The following ENOSF1 variants were observed in gnomAD, a reference collection of about 807,000 sequenced individuals.
The protein encoded by ENOSF1 is mitochondrial enolase superfamily member 1.
A neutral mutation model predicts 68.2 loss-of-function variants in ENOSF1; 73 were observed. That is an observed-to-expected ratio of 1.07 (90% CI 0.89 to 1.30). ENOSF1 has a LOEUF of 1.30. ENOSF1 is among the 50% of genes most tolerant of loss of function. The pLI, the probability that ENOSF1 is intolerant of heterozygous loss-of-function variation, is 0.00. For missense variants in ENOSF1, 589 were observed against 554.5 expected, an observed-to-expected ratio of 1.06 and a Z score of -0.62; for synonymous variants, 223 against 210.4, an observed-to-expected ratio of 1.06 and a Z score of -0.52.
At chr18:666,927 T>TGATGGCGATGGA (rs1323046320), downstream of ENOSF1, among the ~76,000 whole-genome samples, 1 of 54,662 alleles carries the variant, frequency 1.8e-5, no homozygotes, top group Admixed American at 1.9e-4. Context: ...ATGGAGATGG[T>TGATGGCGATGGA]GATGGTGATG....
chr18:705,558 G>A (rs2078836762), intron 2 of ENOSF1, among the ~76,000 whole-genome samples: 1 of 152,040 alleles, frequency 6.6e-6, no homozygotes, highest in Non-Finnish European at 1.5e-5. Context: ...TTCTGTTTAA[G>A]AAAATAGAAA....
intron 2 of ENOSF1, among the ~76,000 whole-genome samples, chr18:701,866 G>T (rs2078388623): frequency 6.6e-6 from 1 of 151,278 alleles, no homozygotes; most frequent in Non-Finnish European, 1.5e-5. Flanking sequence ...GTTGCAGTGA[G>T]CCGAGATCAC....
At chr18:689,116 A>G (rs1005789874) in intron 8 of ENOSF1, among the ~76,000 whole-genome samples, 8 of 152,098 alleles carry the variant, frequency 5.3e-5, no homozygotes, top group East Asian at 1.9e-4. Flanking sequence ...TTACTTCTCA[A>G]TCTCGCAGTG....
At chr18:687,215 G>A (rs1257624333) in intron 9 of ENOSF1, 1 of 152,226 alleles carries the variant, frequency 6.6e-6, no homozygotes, top group Non-Finnish European at 1.5e-5. Flanking sequence ...CAGCGGATGA[G>A]GGGAAAAGGC....
intron 2 of ENOSF1, among the ~76,000 whole-genome samples, chr18:698,026 T>G (rs2077930151): frequency 6.6e-6 from 1 of 152,180 alleles, no homozygotes; most frequent in Non-Finnish European, 1.5e-5. Context: ...ATTACTGCGC[T>G]CAAGTGATCC....
chr18:681,333 T>C (rs1327986012), intron 11 of ENOSF1, among the ~76,000 whole-genome samples: 1 of 152,218 alleles, frequency 6.6e-6, no homozygotes, highest in African/African-American at 2.4e-5. Context: ...GCTCTGCAGC[T>C]GCTCCTTCCT....
intron 5 of ENOSF1, chr18:693,322 TTTC>T: frequency 8.3e-6 from 10 of 1,210,932 alleles, no homozygotes; most frequent in Non-Finnish European, 1.1e-5. Flanking sequence ...GATAGTATCT[TTTC>T]TTTTTTCTTT....
At chr18:710,571 G>A (rs1405024660) in intron 1 of ENOSF1, among the ~76,000 whole-genome samples, 1 of 152,056 alleles carries the variant, frequency 6.6e-6, no homozygotes, top group Non-Finnish European at 1.5e-5. Context: ...CTGGAATGCA[G>A]TGGCATGATC....
chr18:705,115 G>A (rs571472751), intron 2 of ENOSF1, among the ~76,000 whole-genome samples: 1 of 152,138 alleles, frequency 6.6e-6, no homozygotes, highest in Non-Finnish European at 1.5e-5. Flanking sequence ...TCTTTTATAT[G>A]CTTAACAATT....
chr18:667,564 G>GCGA, downstream of ENOSF1, among the ~76,000 whole-genome samples: 1 of 92,398 alleles, frequency 1.1e-5, no homozygotes, highest in African/African-American at 7.2e-5. Context: ...GATGGTGATG[G>GCGA]TGATGGAGAT....
chr18:678,873 T>C (rs2075786741), intron 11 of ENOSF1, 136 bp from the exon 12 acceptor site: 2 of 861,482 alleles, frequency 2.3e-6, no homozygotes, highest in Admixed American at 2.1e-5. Flanking sequence ...TGGCAAAGGA[T>C]GTCCAGGGGA....
intron 2 of ENOSF1, among the ~76,000 whole-genome samples, chr18:704,853 G>A (rs190113565): frequency 2.3e-3 from 345 of 152,166 alleles, no homozygotes; most frequent in Non-Finnish European, 4.1e-3. Flanking sequence ...CAATCTGCCC[G>A]CCTCAGCCTC....
chr18:705,613 C>G (rs2078842438), intron 2 of ENOSF1, among the ~76,000 whole-genome samples: 1 of 152,136 alleles, frequency 6.6e-6, no homozygotes, highest in African/African-American at 2.4e-5. Context: ...CAGTATGCAT[C>G]TTAAAGAATC....
downstream of ENOSF1, among the ~76,000 whole-genome samples, chr18:667,056 TGGA>T: frequency 2.7e-5 from 1 of 37,212 alleles, no homozygotes; most frequent in Non-Finnish European, 4.7e-5. Flanking sequence ...GTGATGGAGA[TGGA>T]GATGGTGATG....
chr18:680,930 C>G (rs2076015192), intron 11 of ENOSF1, among the ~76,000 whole-genome samples: 2 of 152,086 alleles, frequency 1.3e-5, no homozygotes, highest in South Asian at 4.2e-4. Flanking sequence ...ACTGCAAGCT[C>G]CTCCTCCTGG....
intron 11 of ENOSF1, among the ~76,000 whole-genome samples, chr18:681,283 C>G (rs997526639): frequency 6.6e-6 from 1 of 152,236 alleles, no homozygotes; most frequent in African/African-American, 2.4e-5. Flanking sequence ...GTGCCCTGTG[C>G]TCCCTGGGGC....
At chr18:668,424 A>G (rs991437119), downstream of ENOSF1, among the ~76,000 whole-genome samples, 2 of 152,212 alleles carry the variant, frequency 1.3e-5, no homozygotes, top group South Asian at 2.1e-4. Flanking sequence ...AGAAGGAAGG[A>G]AAGGGATTAA....
intron 2 of ENOSF1, among the ~76,000 whole-genome samples, chr18:700,868 C>A (rs1366293658): frequency 8.7e-6 from 1 of 114,524 alleles, no homozygotes. Flanking sequence ...CCAGTCTGGG[C>A]GACAAGAGCG....
Position 678,843 on chromosome 18 carries a change from G to A in ENOSF1, c.877-106C>T. 5 of 1,213,306 alleles carry A rather than the reference G, an allele frequency of 4.1e-6. No individual in the cohort carries two copies. The South Asian group carries it at 6.4e-5, about 16-fold the overall frequency. The allele number at this position is 1,213,306 out of a possible 1,614,324, so 75.2% of individuals were successfully genotyped here. A position where few individuals can be genotyped will look rare whatever the true frequency, so the allele number is the denominator to read the frequency against. ...AAGGAGGAAACGGCCCTGCTGTTAA[G>A]CCATGTGAAGGCTCAAGACTGGCAA... On this transcript the variant is annotated intron_variant, in intron 11 of 15. Transcript: ENST00000647584.
Sources: allele counts gnomAD v4.1 joint callset (sites outside exome capture counted in the v4.1 genomes callset), GRCh38; gene constraint gnomAD v4.1.1; transcripts MANE v1.5; gene names NCBI Gene and HGNC (gene_info 2026-07-23, HGNC 2026-07-21).